The following ASAP1 variants were observed in gnomAD, a reference collection of about 807,000 sequenced individuals.
ASAP1 encodes ArfGAP with SH3 domain, ankyrin repeat and PH domain 1.
A neutral mutation model predicts 145.2 loss-of-function variants in ASAP1; 43 were observed. That is an observed-to-expected ratio of 0.30 (90% CI 0.23 to 0.38). The LOEUF (loss-of-function observed/expected upper bound fraction) is 0.38. ASAP1 is among the 10% of genes least tolerant of loss of function. The pLI is 1.00. For synonymous variants in ASAP1, 546 were observed against 515.5 expected (o/e 1.06, Z -0.80); for missense variants, 1,018 against 1,355.3 (o/e 0.75, Z 3.91).
At chr8:130,394,325 T>C (rs1828423285) in intron 2 of ASAP1, among the ~76,000 whole-genome samples, 1 of 152,100 alleles carries the variant, frequency 6.6e-6, no homozygotes, top group African/African-American at 2.4e-5. Context: ...CCCTTGGGTG[T>C]GGCCATCTTC....
chr8:130,091,794 T>A (rs928495661), intron 25 of ASAP1, among the ~76,000 whole-genome samples, 179 bp downstream of exon 25: 2 of 152,188 alleles, frequency 1.3e-5, no homozygotes, highest in African/African-American at 4.8e-5. Flanking sequence ...TAAATATTTT[T>A]CAAAATGTTC....
At chr8:130,393,742 C>T (rs1014576419) in intron 2 of ASAP1, among the ~76,000 whole-genome samples, 8 of 152,152 alleles carry the variant, frequency 5.3e-5, no homozygotes, top group South Asian at 2.1e-4. Flanking sequence ...GGTGACAGAG[C>T]GAGACTCTGT....
chr8:130,064,860 A>G (rs1201008628), intron 27 of ASAP1, among the ~76,000 whole-genome samples: 1 of 151,868 alleles, frequency 6.6e-6, no homozygotes, highest in Non-Finnish European at 1.5e-5. Flanking sequence ...GAACTCAAAG[A>G]AACACTTACC....
chr8:130,112,460 C>T (rs577935985), intron 23 of ASAP1, 138 bp from the exon 24 acceptor site: 2 of 638,934 alleles, frequency 3.1e-6, no homozygotes, highest in East Asian at 2.8e-5. Context: ...CCACAATGAG[C>T]CTCATGATGC....
intron 12 of ASAP1, among the ~76,000 whole-genome samples, chr8:130,158,258 C>T (rs958442208): frequency 6.6e-6 from 1 of 151,632 alleles, no homozygotes; most frequent in Non-Finnish European, 1.5e-5. Context: ...GCCCGTAATC[C>T]CAATACTTTG....
intron 24 of ASAP1, among the ~76,000 whole-genome samples, chr8:130,095,622 C>A (rs1592787754): frequency 7.7e-6 from 1 of 129,968 alleles, no homozygotes; most frequent in Non-Finnish European, 1.7e-5. Context: ...ATTCTTTTGT[C>A]TTTTTTTTTT....
chr8:130,330,631 A>G (rs879617944), intron 3 of ASAP1, among the ~76,000 whole-genome samples: 2 of 152,224 alleles, frequency 1.3e-5, no homozygotes, highest in Non-Finnish European at 2.9e-5. Flanking sequence ...ATGAGCATTT[A>G]AGGTTTATAT....
chr8:130,228,164 G>C (rs372085992), intron 4 of ASAP1, among the ~76,000 whole-genome samples: 1 of 152,152 alleles, frequency 6.6e-6, no homozygotes, highest in Non-Finnish European at 1.5e-5. Flanking sequence ...CGAAGGACTT[G>C]TTAAGAAATA....
intron 5 of ASAP1, among the ~76,000 whole-genome samples, chr8:130,198,353 G>C (rs1446781809): frequency 2.0e-5 from 3 of 152,030 alleles, no homozygotes; most frequent in African/African-American, 7.2e-5. Flanking sequence ...CTTTACACTT[G>C]AAAAGCTCAG....
intron 26 of ASAP1, among the ~76,000 whole-genome samples, chr8:130,077,391 G>A (rs1366198117): frequency 2.0e-5 from 3 of 152,164 alleles, no homozygotes; most frequent in Non-Finnish European, 4.4e-5. Context: ...AGGTTTTGGC[G>A]ATTCTCAGAG....
chr8:130,164,581 C>A (rs1390887710), intron 11 of ASAP1, among the ~76,000 whole-genome samples: 1 of 151,960 alleles, frequency 6.6e-6, no homozygotes, highest in Non-Finnish European at 1.5e-5. Context: ...ACAGAGACTC[C>A]GTCTCAAAAA....
intron 9 of ASAP1, among the ~76,000 whole-genome samples, chr8:130,177,242 T>C (rs1202466578): frequency 6.6e-6 from 1 of 152,240 alleles, no homozygotes; most frequent in Non-Finnish European, 1.5e-5. Flanking sequence ...AGCATCACCA[T>C]TACTAGCGAA....
At chr8:130,183,031 G>A (rs190648073) in intron 7 of ASAP1, among the ~76,000 whole-genome samples, 23 of 151,976 alleles carry the variant, frequency 1.5e-4, no homozygotes, top group Non-Finnish European at 2.4e-4. Context: ...GAAAATTCCC[G>A]AAAGAGGAAT....
chr8:130,279,232 C>T (rs148375548), intron 3 of ASAP1, among the ~76,000 whole-genome samples: 38 of 152,208 alleles, frequency 2.5e-4, no homozygotes, highest in African/African-American at 5.5e-4. Context: ...TAAAAGTACA[C>T]GGGGGAGGCA....
Position 130,431,756 on chromosome 8 carries a change from T to C in ASAP1, c.-28+11704A>G, listed in dbSNP as rs138199665. On this transcript the variant is annotated intron_variant, in intron 1 of 29. Coordinates refer to ENST00000518721, the MANE Select transcript of ASAP1 (RefSeq NM_018482.4). Reference sequence around the variant, plus strand: ...TGAGAGGTTCCAGGATAGCAGAGTATGCAGCACAACAGCTGGCAAATGGTA... The same window carrying C: ...TGAGAGGTTCCAGGATAGCAGAGTACGCAGCACAACAGCTGGCAAATGGTA... Among the ~76,000 whole-genome samples the C allele has an allele frequency of 2.0e-3, 303 of 151,048 alleles. 1 individual carries two copies. Among genetic ancestry groups the C allele is most frequent in the Non-Finnish European group, 3.4e-3 (230 of 67,886 alleles).
At chr8:130,193,651 C>G (rs1480147283) in intron 5 of ASAP1, among the ~76,000 whole-genome samples, 1 of 152,098 alleles carries the variant, frequency 6.6e-6, no homozygotes, top group Non-Finnish European at 1.5e-5. Flanking sequence ...CGGTTTGCAT[C>G]AATGCCTCAA....
intron 1 of ASAP1, among the ~76,000 whole-genome samples, chr8:130,402,400 G>A (rs927375191): frequency 1.3e-5 from 2 of 152,180 alleles, no homozygotes; most frequent in Non-Finnish European, 1.5e-5. Flanking sequence ...GAAGAAGGCA[G>A]ATATAGAAGA....
chr8:130,405,076 G>A (rs954296945), intron 1 of ASAP1, among the ~76,000 whole-genome samples: 3 of 151,810 alleles, frequency 2.0e-5, no homozygotes, highest in African/African-American at 7.3e-5. Flanking sequence ...GAAATCCTGA[G>A]GTTTTTGCTA....
intron 13 of ASAP1, among the ~76,000 whole-genome samples, chr8:130,142,658 G>T (rs966835801): frequency 2.6e-5 from 4 of 152,198 alleles, no homozygotes; most frequent in African/African-American, 9.7e-5. Context: ...TCAACCTTCA[G>T]AGAGGACTTG....
Sources: allele counts gnomAD v4.1 joint callset (sites outside exome capture counted in the v4.1 genomes callset), GRCh38; gene constraint gnomAD v4.1.1; transcripts MANE v1.5; gene names NCBI Gene and HGNC (gene_info 2026-07-23, HGNC 2026-07-21).